The following CCDC7 variants were observed in gnomAD, a reference collection of about 807,000 sequenced individuals.
CCDC7 encodes the protein coiled-coil domain-containing protein 7.
A neutral mutation model predicts 196.9 loss-of-function variants in CCDC7; 183 were observed. The ratio of observed to expected loss-of-function variants is 0.93; its 90% CI spans 0.82 to 1.05. The LOEUF (loss-of-function observed/expected upper bound fraction) is 1.05. CCDC7 is among the 50% of genes least tolerant of loss of function. CCDC7 has a pLI of 0.00. For synonymous variants in CCDC7, 525 were observed against 484.6 expected (o/e 1.08, Z -1.10); for missense variants, 1,540 against 1,482.2 (o/e 1.04, Z -0.64).
At chr10:32,565,607 A>T in exon 14 of CCDC7, 1 of 1,609,918 alleles carries the variant, frequency 6.2e-7, no homozygotes, top group Non-Finnish European at 8.5e-7. Flanking sequence ...GAGCAATTGA[A>T]ACAGGCTTTA....
chr10:32,778,394 T>C (rs1420867614), intron 28 of CCDC7, among the ~76,000 whole-genome samples: 1 of 152,246 alleles, frequency 6.6e-6, no homozygotes, highest in Non-Finnish European at 1.5e-5. Context: ...ATTTCATTCT[T>C]CTGCATATGG....
At chr10:32,463,071 TGTTAA>T (rs1237348642) in intron 5 of CCDC7, 22 bp downstream of exon 6, 5 of 1,612,260 alleles carry the variant, frequency 3.1e-6, no homozygotes, top group African/African-American at 1.3e-5. Flanking sequence ...GTTTTAAAAT[TGTTAA>T]GTTAATATTT....
chr10:32,787,394 C>G (rs1035634240), intron 29 of CCDC7, among the ~76,000 whole-genome samples: 4 of 152,254 alleles, frequency 2.6e-5, no homozygotes, highest in Middle Eastern at 3.4e-3. Flanking sequence ...ATGAAAATAC[C>G]TTCACAACAG....
At chr10:32,780,681 T>C (rs2080907216) in intron 29 of CCDC7, among the ~76,000 whole-genome samples, 1 of 151,852 alleles carries the variant, frequency 6.6e-6, no homozygotes, top group South Asian at 2.1e-4. Flanking sequence ...CTACAAAAAG[T>C]CAACTAAACA....
chr10:32,572,930 G>A (rs1176785870), intron 16 of CCDC7, among the ~76,000 whole-genome samples: 3 of 148,966 alleles, frequency 2.0e-5, no homozygotes, highest in African/African-American at 7.5e-5. Context: ...CAGGCTGGAG[G>A]GCAGTGGCAT....
chr10:32,753,167 C>T (rs2075917375), intron 28 of CCDC7, among the ~76,000 whole-genome samples: 1 of 151,932 alleles, frequency 6.6e-6, no homozygotes, highest in South Asian at 2.1e-4. Flanking sequence ...AGTCTTTTGC[C>T]AATGGACTCA....
chr10:32,824,114 A>G (rs868649774), intron 31 of CCDC7, among the ~76,000 whole-genome samples: 1 of 152,136 alleles, frequency 6.6e-6, no homozygotes, highest in Non-Finnish European at 1.5e-5. Context: ...ACCTCACCAG[A>G]TATACCCCTA....
chr10:32,551,615 C>A (rs1037136907), intron 13 of CCDC7, among the ~76,000 whole-genome samples: 1 of 152,032 alleles, frequency 6.6e-6, no homozygotes, highest in African/African-American at 2.4e-5. Flanking sequence ...TCATTCAGTT[C>A]GAAGAATTTT....
intron 28 of CCDC7, among the ~76,000 whole-genome samples, chr10:32,766,077 A>G (rs2078246558): frequency 6.6e-6 from 1 of 152,012 alleles, no homozygotes; most frequent in Non-Finnish European, 1.5e-5. Context: ...CTCTTGAGTA[A>G]AAAGTACTCT....
At chr10:32,454,483 G>T (rs1448505947) in intron 2 of CCDC7, among the ~76,000 whole-genome samples, 1 of 151,684 alleles carries the variant, frequency 6.6e-6, no homozygotes, top group Non-Finnish European at 1.5e-5. Flanking sequence ...TCAGTACTTG[G>T]GTGACGGGAT....
chr10:32,679,528 G>A lies in CCDC7; in HGVS notation c.2123-6442G>A, dbSNP rs145484291. 8.9e-3 allele frequency among the ~76,000 whole-genome samples: 1,350 copies of A among 152,308 alleles called. 15 individuals are homozygous for A. The highest frequency in any genetic ancestry group is 0.029 in the African/African-American group (1,225 of 41,562). On this transcript the variant is annotated intron_variant, in intron 21 of 41. Transcript: ENST00000639629. ...GGGCAATACAAGAGTGTAAGTAGTC[G>A]AATAGTCTCATTAATCTTCTTTTTA...
chr10:32,711,797 G>C (rs187118179), intron 25 of CCDC7, 67 bp downstream of exon 26: 1 of 851,518 alleles, frequency 1.2e-6, no homozygotes, highest in Admixed American at 3.3e-5. Flanking sequence ...TTTTTCTTTG[G>C]TTCATACTTA....
At chr10:32,730,893 G>C (rs1023512348) in intron 28 of CCDC7, among the ~76,000 whole-genome samples, 1 of 152,074 alleles carries the variant, frequency 6.6e-6, no homozygotes, top group Non-Finnish European at 1.5e-5. Context: ...AATTACATTA[G>C]TTAAATTTTA....
chr10:32,757,307 C>T (rs2133704769), intron 28 of CCDC7, among the ~76,000 whole-genome samples: 1 of 152,072 alleles, frequency 6.6e-6, no homozygotes, highest in South Asian at 2.1e-4. Context: ...ACATTCTTCT[C>T]AGCAGCACAT....
At chr10:32,537,466 T>G (rs1373254052) in intron 11 of CCDC7, among the ~76,000 whole-genome samples, 1 of 152,222 alleles carries the variant, frequency 6.6e-6, no homozygotes, top group African/African-American at 2.4e-5. Flanking sequence ...ACTCTGTTGA[T>G]AGTTTCTTTT....
chr10:32,688,018 G>T (rs191971595), intron 22 of CCDC7, among the ~76,000 whole-genome samples: 1 of 152,274 alleles, frequency 6.6e-6, no homozygotes, highest in African/African-American at 2.4e-5. Flanking sequence ...CAAACTTTCA[G>T]AGAACAAATG....
chr10:32,688,332 C>A (rs958187423), intron 22 of CCDC7, among the ~76,000 whole-genome samples: 15 of 152,082 alleles, frequency 9.9e-5, no homozygotes, highest in African/African-American at 3.4e-4. Context: ...TCTGTTCATG[C>A]CAGGGACATA....
At chr10:32,779,310 T>C (rs1480180271) in intron 29 of CCDC7, among the ~76,000 whole-genome samples, 4 of 152,202 alleles carry the variant, frequency 2.6e-5, no homozygotes, top group Non-Finnish European at 5.9e-5. Context: ...ATATTTCCCT[T>C]TACCTACTCA....
intron 16 of CCDC7, among the ~76,000 whole-genome samples, chr10:32,576,023 A>G (rs1043986118): frequency 1.3e-5 from 2 of 152,148 alleles, no homozygotes; most frequent in East Asian, 3.9e-4. Context: ...CTGCCATAGG[A>G]AAGAGAAAGT....
Sources: allele counts gnomAD v4.1 joint callset (sites outside exome capture counted in the v4.1 genomes callset), GRCh38; gene constraint gnomAD v4.1.1; transcripts MANE v1.5; gene names NCBI Gene and HGNC (gene_info 2026-07-23, HGNC 2026-07-21).